The following PCDHA11 variants were observed in gnomAD, a reference collection of about 807,000 sequenced individuals.
PCDHA11 encodes protocadherin alpha-11.
A neutral mutation model predicts 70.3 loss-of-function variants in PCDHA11; 61 were observed. The observed-to-expected ratio is 0.87, with a 90% confidence interval of 0.71 to 1.07. The LOEUF is 1.07. Among genes scored for constraint, PCDHA11 ranks in the 50% least tolerant of loss-of-function variants. The pLI is 0.00. For missense variants in PCDHA11, 1,324 were observed against 1,237.5 expected, an observed-to-expected ratio of 1.07 and a Z score of -1.05; for synonymous variants, 633 against 555.1, an observed-to-expected ratio of 1.14 and a Z score of -1.97.
chr5:140,926,679 C>T (rs1348629347), intron 1 of PCDHA11: 26 of 638,064 alleles, frequency 4.1e-5, no homozygotes, highest in Middle Eastern at 4.4e-4. Context: ...GCCCAGCCTC[C>T]AGCCTAGCAA....
rs183230708 is a variant in PCDHA11, at chr5:140,914,004, A to G, written c.2391+42510A>G. Among the ~76,000 whole-genome samples, 112 of 152,288 alleles carry G rather than the reference A, an allele frequency of 7.4e-4. 1 individual carries two copies. Among genetic ancestry groups the G allele is most frequent in the Middle Eastern group, 6.8e-3 (2 of 294 alleles). On this transcript the variant is annotated intron_variant, in intron 1 of 3. Coordinates refer to ENST00000398640, the MANE Select transcript of PCDHA11 (RefSeq NM_018902.5). ...TTGTATTGTGACTAGCATATGGTCT[A>G]TCTTTGAGAATGATCCACGTGCTGA...
intron 1 of PCDHA11, among the ~76,000 whole-genome samples, chr5:140,899,732 T>C (rs1174883648): frequency 6.6e-6 from 1 of 152,222 alleles, no homozygotes; most frequent in Non-Finnish European, 1.5e-5. Context: ...TTTCTATTGA[T>C]TGGAATAGTT....
intron 1 of PCDHA11, among the ~76,000 whole-genome samples, chr5:140,914,495 A>G (rs1469336186): frequency 2.0e-5 from 3 of 152,164 alleles, no homozygotes; most frequent in Non-Finnish European, 4.4e-5. Context: ...CTTGTGGGCA[A>G]CAGATCATTG....
rs1340141507 is a variant in PCDHA11, at chr5:140,939,833, CTTG to C, written c.2392-39108_2392-39106del. 2.6e-5 allele frequency among the ~76,000 whole-genome samples: 4 copies of C among 152,224 alleles called. No individual in the cohort carries two copies. The East Asian group carries it at 7.7e-4, about 29-fold the overall frequency. ...AAGAAAAAGCAGTATTCTGACATTG[CTTG>C]TTGTTGTGTTCTGTATATGTCCATT... On this transcript the variant is annotated intron_variant, in intron 1 of 3. Transcript: ENST00000398640.
chr5:140,911,445 A>C (rs1327839733), intron 1 of PCDHA11, among the ~76,000 whole-genome samples: 1 of 152,184 alleles, frequency 6.6e-6, no homozygotes, highest in Non-Finnish European at 1.5e-5. Context: ...CCGCAATTTC[A>C]GCTCTTTCTC....
intron 1 of PCDHA11, chr5:140,969,531 A>G: frequency 7.4e-7 from 1 of 1,356,026 alleles, no homozygotes; most frequent in South Asian, 1.6e-5. Context: ...TTTATTTTTC[A>G]TTTTCAGAGG....
At chr5:140,932,538 T>C (rs538830618) in intron 1 of PCDHA11, among the ~76,000 whole-genome samples, 1 of 152,036 alleles carries the variant, frequency 6.6e-6, no homozygotes, top group South Asian at 2.1e-4. Context: ...CAAGGTGCTT[T>C]ATTTAACATA....
At chr5:140,911,464 A>T (rs1300349898) in intron 1 of PCDHA11, among the ~76,000 whole-genome samples, 2 of 152,144 alleles carry the variant, frequency 1.3e-5, no homozygotes, top group African/African-American at 2.4e-5. Flanking sequence ...TCTACAGGAG[A>T]TAAGACTCTC....
intron 1 of PCDHA11, chr5:140,882,431 G>A (rs374040153): frequency 1.2e-6 from 2 of 1,614,044 alleles, no homozygotes; most frequent in Non-Finnish European, 8.5e-7. Flanking sequence ...CCTGGGGCTG[G>A]AGCTGGCGGA....
At position 140,927,035 on chromosome 5, in the gene PCDHA11, C is replaced by A. The variant is rs1554203936; in HGVS notation, c.2392-51914C>A. 2 of 1,612,296 alleles carry A rather than the reference C, an allele frequency of 1.2e-6. No homozygotes were observed. The highest frequency in any genetic ancestry group is 1.7e-6 in the Non-Finnish European group (2 of 1,178,902). Reference sequence around the variant, plus strand: ...TCCGCGGACTTGAGGCTGCCAGCGGCCGCTATGTCCTCGCGGAACTTTCGC... The same window carrying A: ...TCCGCGGACTTGAGGCTGCCAGCGGACGCTATGTCCTCGCGGAACTTTCGC... On this transcript the variant is annotated intron_variant, in intron 1 of 3. Transcript: ENST00000398640.
chr5:140,937,492 C>T (rs1390017602), intron 1 of PCDHA11, among the ~76,000 whole-genome samples: 1 of 152,054 alleles, frequency 6.6e-6, no homozygotes, highest in African/African-American at 2.4e-5. Context: ...TGGCACATAC[C>T]CGTAATCCCA....
chr5:140,983,054 G>A (rs933321433), intron 3 of PCDHA11, among the ~76,000 whole-genome samples: 1 of 151,858 alleles, frequency 6.6e-6, no homozygotes. Flanking sequence ...GAAAATTATC[G>A]GAACCAAGGC....
At chr5:140,892,673 T>C (rs1554185319) in intron 1 of PCDHA11, among the ~76,000 whole-genome samples, 1 of 152,262 alleles carries the variant, frequency 6.6e-6, no homozygotes, top group East Asian at 1.9e-4. Flanking sequence ...TTGATACATA[T>C]ATACAATGTA....
intron 1 of PCDHA11, chr5:140,875,686 G>C (rs17844351): frequency 0.022 from 35,932 of 1,613,570 alleles, 480 homozygotes; most frequent in East Asian, 0.061. Flanking sequence ...CAAAAGACAC[G>C]GGGACCTTCT....
At chr5:140,995,352 C>T (rs976879377) in intron 3 of PCDHA11, among the ~76,000 whole-genome samples, 2 of 152,006 alleles carry the variant, frequency 1.3e-5, no homozygotes, top group Non-Finnish European at 2.9e-5. Context: ...ATGGATAGGT[C>T]GGACAGAGGG....
At chr5:140,922,715 G>A (rs1221596173) in intron 1 of PCDHA11, among the ~76,000 whole-genome samples, 1 of 152,038 alleles carries the variant, frequency 6.6e-6, no homozygotes, top group East Asian at 1.9e-4. Flanking sequence ...AGAACAAAAA[G>A]AAACACTTGA....
chr5:140,872,007 G>A (rs974078446), intron 1 of PCDHA11, among the ~76,000 whole-genome samples: 7 of 152,176 alleles, frequency 4.6e-5, no homozygotes, highest in African/African-American at 1.4e-4. Flanking sequence ...ATTTACAGGT[G>A]ACCTGTAGCC....
chr5:140,921,282 A>C (rs1208744523), intron 1 of PCDHA11, among the ~76,000 whole-genome samples: 1 of 152,224 alleles, frequency 6.6e-6, no homozygotes, highest in Non-Finnish European at 1.5e-5. Flanking sequence ...CTTGAAAAAA[A>C]CCTCAAATTT....
At position 140,960,518 on chromosome 5, in the gene PCDHA11, G is replaced by A. The variant is rs555475003; in HGVS notation, c.2392-18431G>A. Among the ~76,000 whole-genome samples the A allele has an allele frequency of 2.6e-5, 4 of 152,176 alleles. No homozygotes were observed. The East Asian group carries it at 7.7e-4, about 29-fold the overall frequency. ...TTTGTTCCAAGCAGCAAACATAATG[G>A]GTATAGGAAAGAGAAACTGTGGCCT... On this transcript the variant is annotated intron_variant, in intron 1 of 3. Coordinates refer to ENST00000398640, the MANE Select transcript of PCDHA11 (RefSeq NM_018902.5).
Sources: gnomAD v4.1 joint callset for allele counts (sites outside exome capture counted in the v4.1 genomes callset) on GRCh38, gnomAD v4.1.1 for gene constraint, MANE v1.5 for transcripts, NCBI Gene and HGNC (gene_info 2026-07-23, HGNC 2026-07-21) for gene names.